Variants in CWH43 observed in about 807,000 individuals in gnomAD.
CWH43 encodes the protein cell wall biogenesis 43 C-terminal homolog, also known as PGAP2-interacting protein.
In CWH43, 91 loss-of-function variants were observed where a neutral mutation model predicts 85.7. The observed-to-expected ratio is 1.06, with a 90% CI of 0.90 to 1.26. The LOEUF (loss-of-function observed/expected upper bound fraction) is 1.26. Ranked by LOEUF, CWH43 falls within the 50% of genes most tolerant of loss-of-function variation. CWH43 has a pLI of 0.00. For synonymous variants in CWH43, 323 were observed against 293.6 expected, an observed-to-expected ratio of 1.10 and a Z score of -1.02; for missense variants, 869 against 839.2, an observed-to-expected ratio of 1.04 and a Z score of -0.44.
intron 8 of CWH43, among the ~76,000 whole-genome samples, chr4:49,007,693 T>C (rs1231793383): frequency 6.6e-6 from 1 of 152,090 alleles, no homozygotes; most frequent in Non-Finnish European, 1.5e-5. Flanking sequence ...TTCTCATTGT[T>C]TAATTCCCAC....
At chr4:49,058,573 T>G (rs1785039762) in intron 15 of CWH43, among the ~76,000 whole-genome samples, 1 of 152,218 alleles carries the variant, frequency 6.6e-6, no homozygotes, top group African/African-American at 2.4e-5. Context: ...GTTTTATACT[T>G]TCATATGTGT....
At chr4:49,039,745 A>C (rs1784397724) in intron 13 of CWH43, among the ~76,000 whole-genome samples, 1 of 151,562 alleles carries the variant, frequency 6.6e-6, no homozygotes, top group South Asian at 2.1e-4. Flanking sequence ...GATTTTTTTA[A>C]AATTTTATTA....
At chr4:49,054,357 T>C (rs1379275687) in intron 15 of CWH43, among the ~76,000 whole-genome samples, 1 of 152,196 alleles carries the variant, frequency 6.6e-6, no homozygotes, top group East Asian at 1.9e-4. Flanking sequence ...TTCTGTTCTA[T>C]TGATCTATAT....
intron 13 of CWH43, among the ~76,000 whole-genome samples, chr4:49,041,101 A>G (rs1398585234): frequency 1.3e-5 from 2 of 152,060 alleles, no homozygotes; most frequent in Non-Finnish European, 2.9e-5. Context: ...CCATTGATCT[A>G]TATCTCTGTT....
At chr4:49,048,299 G>T (rs1462056185) in intron 14 of CWH43, among the ~76,000 whole-genome samples, 1 of 150,940 alleles carries the variant, frequency 6.6e-6, no homozygotes, top group Non-Finnish European at 1.5e-5. Context: ...TACACACTCT[G>T]TGTGTGTATA....
intron 5 of CWH43, among the ~76,000 whole-genome samples, chr4:48,995,403 G>C (rs557836816): frequency 6.6e-6 from 1 of 152,252 alleles, no homozygotes; most frequent in Non-Finnish European, 1.5e-5. Context: ...CTCTCTCTCT[G>C]CTCTTCCTGA....
chr4:49,034,886 G>A lies in CWH43; in HGVS notation c.1658+2171G>A, dbSNP rs140042023. Reference sequence around the variant, plus strand: ...TGTAGTAAGTGCTCAATTAACACTGGCCATTACTAAACCAAATCAGACAAC... The same window carrying A: ...TGTAGTAAGTGCTCAATTAACACTGACCATTACTAAACCAAATCAGACAAC... On this transcript the variant is annotated intron_variant, in intron 12 of 15. Coordinates refer to ENST00000226432, the MANE Select transcript of CWH43 (RefSeq NM_025087.3). Among the ~76,000 whole-genome samples, 143 of 152,160 alleles carry A rather than the reference G, an allele frequency of 9.4e-4. 1 individual carries two copies. The highest frequency in any genetic ancestry group is 1.7e-3 in the South Asian group (8 of 4,808).
chr4:49,058,631 C>G (rs1785042056), intron 15 of CWH43, among the ~76,000 whole-genome samples: 1 of 152,142 alleles, frequency 6.6e-6, no homozygotes, highest in Non-Finnish European at 1.5e-5. Context: ...CTCCCATTAG[C>G]ATTTCTCATA....
At chr4:49,037,207 AGT>A (rs1427225761) in intron 12 of CWH43, among the ~76,000 whole-genome samples, 1 of 152,166 alleles carries the variant, frequency 6.6e-6, no homozygotes, top group Non-Finnish European at 1.5e-5. Flanking sequence ...ATAGGTTTAC[AGT>A]GCTTAGCATA....
intron 7 of CWH43, 113 bp from the exon 8 acceptor site, chr4:49,007,088 G>C: frequency 8.2e-7 from 1 of 1,217,192 alleles, no homozygotes; most frequent in Non-Finnish European, 1.1e-6. Flanking sequence ...AATTAAATCA[G>C]TACATGAATT....
chr4:49,010,242 A>G (rs1056832415), intron 8 of CWH43, among the ~76,000 whole-genome samples: 6 of 152,170 alleles, frequency 3.9e-5, no homozygotes, highest in Non-Finnish European at 7.3e-5. Flanking sequence ...AATGTCTTCT[A>G]GATTTTCTAG....
intron 1 of CWH43, among the ~76,000 whole-genome samples, chr4:48,987,979 A>G (rs1433456279): frequency 2.0e-5 from 3 of 152,116 alleles, no homozygotes; most frequent in Non-Finnish European, 4.4e-5. Context: ...TCCTGACGGG[A>G]TGCCAAATTC....
Position 49,007,205 on chromosome 4 carries a change from A to C in CWH43, c.1065A>C (p.Thr355=), listed in dbSNP as rs1211148707. ...TCTTTCTTTCTCTTATAACAGGGAC[A>C]ATGATGTTAATTATCGGGCTGAATA... ...ARERSDVLLG[T]MMLIIGLNML... Residue 355 remains threonine (T), a synonymous_variant, in exon 8 of 16, where the codon ACA becomes ACC. Transcript: ENST00000226432. The C allele has an allele frequency of 2.5e-6, 4 of 1,607,722 alleles. No individual in the cohort carries two copies. In the South Asian group the frequency reaches 3.4e-5, roughly 14 times the overall value.
chr4:48,995,321 T>C (rs1426404650), intron 5 of CWH43, among the ~76,000 whole-genome samples: 5 of 152,180 alleles, frequency 3.3e-5, no homozygotes, highest in Non-Finnish European at 7.3e-5. Context: ...TTGTTCCAGC[T>C]GTGGGACAGG....
intron 12 of CWH43, among the ~76,000 whole-genome samples, chr4:49,036,694 T>A (rs1193607334): frequency 2.0e-5 from 3 of 152,238 alleles, no homozygotes; most frequent in East Asian, 1.9e-4. Context: ...TGCAGAGAAC[T>A]GCATTTCCCA....
chr4:48,986,699 A>C, intron 1 of CWH43: 1 of 1,341,740 alleles, frequency 7.5e-7, no homozygotes, highest in Non-Finnish European at 9.5e-7. Context: ...CCCGCGAGAG[A>C]CCCCGTCGCC....
chr4:49,001,359 T>G (rs1360672426), intron 6 of CWH43, among the ~76,000 whole-genome samples: 4 of 152,140 alleles, frequency 2.6e-5, no homozygotes, highest in Non-Finnish European at 5.9e-5. Flanking sequence ...TTCTGCTTGA[T>G]GTCTTTGATG....
chr4:48,987,369 A>G (rs932595169), intron 1 of CWH43, among the ~76,000 whole-genome samples: 9 of 152,028 alleles, frequency 5.9e-5, no homozygotes, highest in Admixed American at 1.3e-4. Context: ...TGAAAGTCCT[A>G]TTTTGCTGAT....
intron 15 of CWH43, among the ~76,000 whole-genome samples, chr4:49,052,349 C>T (rs1291583800): frequency 6.6e-6 from 1 of 152,084 alleles, no homozygotes; most frequent in African/African-American, 2.4e-5. Context: ...AGTGCCTCAT[C>T]TAAAAATGGG....
Sources: gnomAD v4.1 joint callset for allele counts (sites outside exome capture counted in the v4.1 genomes callset) on GRCh38, gnomAD v4.1.1 for gene constraint, MANE v1.5 for transcripts, NCBI Gene and HGNC (gene_info 2026-07-23, HGNC 2026-07-21) for gene names.